The following PARVB variants were observed in gnomAD, a reference collection of about 807,000 sequenced individuals.
PARVB encodes beta-parvin.
PARVB carries 46 observed loss-of-function variants against 47.0 expected under a neutral mutation model. The ratio of observed to expected loss-of-function variants is 0.98; its 90% CI spans 0.77 to 1.25. The LOEUF (loss-of-function observed/expected upper bound fraction) is 1.25, where lower values mean the gene tolerates loss of function less well. Among genes scored for constraint, PARVB ranks in the 50% most tolerant of loss-of-function variants. PARVB has a pLI of 0.00. For synonymous variants in PARVB, 196 were observed against 196.3 expected, an observed-to-expected ratio of 1.00 and a Z score of 0.01; for missense variants, 473 against 471.6, an observed-to-expected ratio of 1.00 and a Z score of -0.03.
Position 44,055,519 on chromosome 22 carries a change from GAC to G in PARVB, c.112+31071_112+31072del, listed in dbSNP as rs1384455253. 2.6e-5 allele frequency among the ~76,000 whole-genome samples: 4 copies of G among 151,934 alleles called. No individual in the cohort carries two copies. In the East Asian group the frequency reaches 7.7e-4, roughly 29 times the overall value. On this transcript the variant is annotated intron_variant, in intron 1 of 12. Coordinates refer to ENST00000338758, the MANE Select transcript of PARVB (RefSeq NM_013327.5). ...CCGGCTAATTTTTGTATTTTTAGTA[GAC>G]ACGGGGTTTCACCATGTTGGCCAGG...
rs1416763029 is a variant in PARVB, at chr22:44,172,100, T to A, written c.*3422T>A. 1 of 151,816 alleles carries A rather than the reference T, an allele frequency of 6.6e-6. No homozygotes were observed. Among genetic ancestry groups the A allele is most frequent in the East Asian group, 1.9e-4 (1 of 5,184 alleles). The allele number at this position is 151,816 out of a possible 1,614,324, so 9.4% of individuals were successfully genotyped here. On this transcript the variant is annotated 3_prime_UTR_variant, in exon 13 of 13. Transcript: ENST00000338758. ...GGGCCCCATTAGGCTCGACTCCTCA[T>A]TTTTCTCCATTCACCATCAGTTTGA...
intron 1 of PARVB, among the ~76,000 whole-genome samples, chr22:44,090,726 C>A (rs961504633): frequency 5.3e-5 from 8 of 152,348 alleles, no homozygotes; most frequent in African/African-American, 1.9e-4. Context: ...GAAACTGGGT[C>A]TTTTGTTCTT....
intron 11 of PARVB, among the ~76,000 whole-genome samples, chr22:44,158,555 C>G (rs1426753842): frequency 6.6e-6 from 1 of 152,198 alleles, no homozygotes; most frequent in Non-Finnish European, 1.5e-5. Flanking sequence ...ACTGAAACAA[C>G]AGAGCATCTT....
Position 44,172,753 on chromosome 22 carries a change from A to G in PARVB, c.*4075A>G, listed in dbSNP as rs751840175. ...TTTACTTTGGATTTCTGGATGTTAT[A>G]TAAAAGCCACGAAAACCCTGGCCAT... On this transcript the variant is annotated 3_prime_UTR_variant, in exon 13 of 13. Transcript: ENST00000338758. The G allele has an allele frequency of 3.0e-5, 9 of 301,244 alleles. No individual in the cohort carries two copies. The highest frequency in any genetic ancestry group is 1.2e-3 in the Middle Eastern group (1 of 840). 18.7% of individuals were successfully genotyped at this position (301,244 alleles called of 1,614,324 possible).
rs891837329 is a variant in PARVB, at chr22:44,089,993, G to C, written c.113-3935G>C. Among the ~76,000 whole-genome samples the C allele has an allele frequency of 6.6e-6, 1 of 152,206 alleles. No individual in the cohort carries two copies. The highest frequency in any genetic ancestry group is 6.5e-5 in the Admixed American group (1 of 15,288). On this transcript the variant is annotated intron_variant, in intron 1 of 12. Coordinates refer to ENST00000338758, the MANE Select transcript of PARVB (RefSeq NM_013327.5). This position sits in a 1 kb window ranked among gnomAD's most constrained non-coding sequence, Gnocchi z 4.0. ...TGTGGTCACTCTTCCTCCAGTCTGTGTCTCTCTTGGAGCCTAATCACAGAG... is the reference window on the plus strand; with the variant it reads ...TGTGGTCACTCTTCCTCCAGTCTGTCTCTCTCTTGGAGCCTAATCACAGAG...
intron 1 of PARVB, among the ~76,000 whole-genome samples, chr22:44,091,312 G>A (rs1191523566): frequency 2.1e-5 from 2 of 97,006 alleles, no homozygotes; most frequent in Non-Finnish European, 4.2e-5. Flanking sequence ...TAAAAAAATT[G>A]TTGTAAAATA....
At chr22:44,059,941 A>G (rs1171797025) in intron 1 of PARVB, among the ~76,000 whole-genome samples, 1 of 152,054 alleles carries the variant, frequency 6.6e-6, no homozygotes, top group Non-Finnish European at 1.5e-5. Context: ...TCTGCTTGCT[A>G]TCGGGAGAAA....
At chr22:44,120,617 G>A (rs75239451) in intron 4 of PARVB, among the ~76,000 whole-genome samples, 8,361 of 152,100 alleles carry the variant, frequency 0.055, 753 homozygotes, top group African/African-American at 0.19. Context: ...TTAAGGCAGT[G>A]GCCTATGGGT....
rs1569158800 is a variant in PARVB, at chr22:44,154,534, G to GTGT, written c.843+2983_843+2984insTGT. The stretch of plus-strand genomic sequence containing the variant: ...TGTGTGTGGTTTATGTAGTCTGGTG[G>GTGT]GTGTGTGTGTGTGTGTGTGTGTGGT... On this transcript the variant is annotated intron_variant, in intron 10 of 12. Transcript: ENST00000338758. Among the ~76,000 whole-genome samples, 148 of 145,014 alleles carry GTGT rather than the reference G, an allele frequency of 1.0e-3. 1 individual carries two copies. The highest frequency in any genetic ancestry group is 1.9e-3 in the African/African-American group (76 of 39,258).
At chr22:44,054,950 A>G (rs1326206177) in intron 1 of PARVB, among the ~76,000 whole-genome samples, 1 of 134,574 alleles carries the variant, frequency 7.4e-6, no homozygotes, top group African/African-American at 2.8e-5. Flanking sequence ...AGATTGCGCC[A>G]TTGCACTCCA....
chr22:44,107,637 G>A (rs1032821479), intron 3 of PARVB: 2 of 152,190 alleles, frequency 1.3e-5, no homozygotes, highest in African/African-American at 2.4e-5. Context: ...CTCTGGGTGG[G>A]GTGGAGAGGG....
chr22:44,042,940 G>A (rs771367167), intron 1 of PARVB, among the ~76,000 whole-genome samples: 1 of 152,210 alleles, frequency 6.6e-6, no homozygotes, highest in Non-Finnish European at 1.5e-5. Flanking sequence ...TACCGAAGGA[G>A]ACTTGTGTTT....
chr22:44,024,661 G>T (rs2050698993), intron 1 of PARVB, among the ~76,000 whole-genome samples: 1 of 152,030 alleles, frequency 6.6e-6, no homozygotes, highest in Non-Finnish European at 1.5e-5. Flanking sequence ...GTGGCCTCCG[G>T]AGTCTGCCAA....
rs568236384 is a variant in PARVB at position 44,002,124 on chromosome 22, C to A, written c.211+2451C>A. 2.2e-3 allele frequency among the ~76,000 whole-genome samples: 332 copies of A among 152,348 alleles called. 2 individuals carry two copies. The highest frequency in any genetic ancestry group is 7.7e-3 in the African/African-American group (320 of 41,584). On this transcript the variant is annotated intron_variant, in intron 2 of 13. Coordinates refer to the PARVB transcript ENST00000406477. ...CACAGCTGCTTTTGCATCGTGAGTG[C>A]AAATGTCAACCCAGTGAACCAAGTA...
rs189900121 is a variant in PARVB, at chr22:44,102,412, A to G, written c.273+2289A>G. On this transcript the variant is annotated intron_variant, in intron 3 of 12. Coordinates refer to ENST00000338758, the MANE Select transcript of PARVB (RefSeq NM_013327.5). Reference sequence around the variant, plus strand: ...ACACAGAAGATGAACCATCCCATGCACCTTTCTAAAGATTTTTTTCTTTGA... The same window carrying G: ...ACACAGAAGATGAACCATCCCATGCGCCTTTCTAAAGATTTTTTTCTTTGA... Among the ~76,000 whole-genome samples the G allele has an allele frequency of 7.0e-4, 107 of 152,266 alleles. 1 individual carries two copies. Among genetic ancestry groups the G allele is most frequent in the African/African-American group, 2.5e-3 (105 of 41,562 alleles).
chr22:44,032,241 A>G (rs904409004), intron 1 of PARVB, among the ~76,000 whole-genome samples: 5 of 152,170 alleles, frequency 3.3e-5, no homozygotes, highest in African/African-American at 1.2e-4. Context: ...CAAGAAAAAA[A>G]TGGAATGAGC....
chr22:44,077,204 C>T (rs1211962218), intron 1 of PARVB, among the ~76,000 whole-genome samples: 1 of 152,160 alleles, frequency 6.6e-6, no homozygotes, highest in Admixed American at 6.5e-5. Flanking sequence ...CTGGGCTGTG[C>T]TCCCTCCAGG....
At chr22:44,022,583 G>C (rs942033238), upstream of PARVB, among the ~76,000 whole-genome samples, 2 of 151,956 alleles carry the variant, frequency 1.3e-5, no homozygotes, top group East Asian at 3.9e-4. Flanking sequence ...GCACTGGGGG[G>C]ACTGGGGGGC....
chr22:44,143,128 A>T (rs552808888), intron 8 of PARVB: 1 of 152,624 alleles, frequency 6.6e-6, no homozygotes, highest in Non-Finnish European at 1.5e-5. Flanking sequence ...AATGTCACTG[A>T]TCAGGGAGGC....
Sources: allele counts gnomAD v4.1 joint callset (sites outside exome capture counted in the v4.1 genomes callset), GRCh38; gene constraint gnomAD v4.1.1; non-coding constraint Gnocchi (gnomAD v3.1); transcripts MANE v1.5; gene names NCBI Gene and HGNC (gene_info 2026-07-23, HGNC 2026-07-21).